Variants in NEK11 observed in about 807,000 individuals in gnomAD.
NEK11 encodes the protein NIMA related kinase 11, also known as serine/threonine-protein kinase Nek11.
In NEK11, 72 loss-of-function variants were observed where a neutral mutation model predicts 80.7. The observed-to-expected ratio is 0.89, with a 90% CI of 0.74 to 1.08. NEK11 has a LOEUF of 1.08. NEK11 is among the 50% of genes least tolerant of loss of function. The pLI, the probability that NEK11 is intolerant of heterozygous loss-of-function variation, is 0.00. For synonymous variants in NEK11, 251 were observed against 260.7 expected, an observed-to-expected ratio of 0.96 and a Z score of 0.36; for missense variants, 764 against 763.6, an observed-to-expected ratio of 1.00 and a Z score of -0.01.
intron 4 of NEK11, among the ~76,000 whole-genome samples, chr3:131,080,973 G>A (rs1359633636): frequency 6.6e-6 from 1 of 151,946 alleles, no homozygotes; most frequent in African/African-American, 2.4e-5. Flanking sequence ...AGCCGGGCGT[G>A]GTTGTATGAG....
chr3:131,186,284 T>C (rs2093596925), intron 14 of NEK11, among the ~76,000 whole-genome samples: 1 of 152,196 alleles, frequency 6.6e-6, no homozygotes, highest in Non-Finnish European at 1.5e-5. Context: ...ATGAAAAATA[T>C]AAAATCACTT....
intron 5 of NEK11, 79 bp downstream of exon 5, chr3:131,110,000 A>G (rs111741573): frequency 2.0e-4 from 287 of 1,456,324 alleles, no homozygotes; most frequent in Middle Eastern, 2.1e-4. Flanking sequence ...TTTTTTTTCT[A>G]TAATTGAAAG....
intron 5 of NEK11, among the ~76,000 whole-genome samples, chr3:131,112,818 C>G (rs748740548): frequency 1.3e-5 from 2 of 152,028 alleles, no homozygotes; most frequent in Non-Finnish European, 2.9e-5. Context: ...ATGAGTAGTT[C>G]TATTGGGAAG....
chr3:131,190,060 G>T (rs2093735445), intron 14 of NEK11, among the ~76,000 whole-genome samples: 1 of 152,080 alleles, frequency 6.6e-6, no homozygotes. Flanking sequence ...ACACATCGAT[G>T]TATAGATCCA....
At chr3:131,239,933 A>G (rs2095495786) in intron 15 of NEK11, among the ~76,000 whole-genome samples, 1 of 152,176 alleles carries the variant, frequency 6.6e-6, no homozygotes, top group African/African-American at 2.4e-5. Flanking sequence ...TTAGTTATCC[A>G]TTCAGCTTCA....
chr3:131,243,442 G>A lies in NEK11; in HGVS notation c.1567G>A (p.Asp523Asn), dbSNP rs2095548459. 1 of 1,612,686 alleles carries A rather than the reference G, an allele frequency of 6.2e-7. No individual in the cohort carries two copies. The highest frequency in any genetic ancestry group is 8.5e-7 in the Non-Finnish European group (1 of 1,179,170). ...PAYRTNQQDS[D>N]IEALARCLEN... ...TTCTCCCTTATTTTGACAGGACAGTGATATCGAAGCGTTGGCCAGGTGTTT... is the reference window on the plus strand; with the variant it reads ...TTCTCCCTTATTTTGACAGGACAGTAATATCGAAGCGTTGGCCAGGTGTTT... Residue 523 changes from aspartate to asparagine, a missense_variant, in exon 16 of 18, where the codon GAT (aspartate) becomes AAT (asparagine). Physicochemically the swap from Asp to Asn is conservative, Grantham distance 23. Transcript: ENST00000383366.
chr3:131,286,336 G>A (rs1197070640), intron 17 of NEK11, among the ~76,000 whole-genome samples: 5 of 152,114 alleles, frequency 3.3e-5, no homozygotes, highest in African/African-American at 7.2e-5. Flanking sequence ...GGCTTCTTCA[G>A]TGTTCCTAGT....
In NEK11 at chr3:131,287,422, C is replaced by T. The variant is rs140742356; in HGVS notation, c.1718+13848C>T. ...CTGAGTAGCTGGGATTACAGGCATGCGCCACCACGCCTGGCTAATTTTTAC... is the reference window on the plus strand; with the variant it reads ...CTGAGTAGCTGGGATTACAGGCATGTGCCACCACGCCTGGCTAATTTTTAC... On this transcript the variant is annotated intron_variant, in intron 17 of 17. Coordinates refer to ENST00000383366, the MANE Select transcript of NEK11 (RefSeq NM_024800.5). Among the ~76,000 whole-genome samples, 1,449 of 152,130 alleles carry T rather than the reference C, an allele frequency of 9.5e-3. 30 individuals are homozygous for T. Among genetic ancestry groups the T allele is most frequent in the African/African-American group, 0.033 (1,360 of 41,458 alleles).
intron 16 of NEK11, among the ~76,000 whole-genome samples, chr3:131,248,613 C>T (rs778262908): frequency 6.6e-6 from 1 of 151,954 alleles, no homozygotes; most frequent in Non-Finnish European, 1.5e-5. Context: ...AAAGCTGGAT[C>T]ACAGAGAAAC....
chr3:131,226,916 CTAG>C (rs1272887997), intron 14 of NEK11, among the ~76,000 whole-genome samples: 4 of 151,588 alleles, frequency 2.6e-5, no homozygotes, highest in African/African-American at 7.3e-5. Flanking sequence ...GATATAATGA[CTAG>C]AAGCCACGTT....
At chr3:131,138,747 A>G (rs1422501705) in intron 7 of NEK11, among the ~76,000 whole-genome samples, 1 of 152,146 alleles carries the variant, frequency 6.6e-6, no homozygotes, top group Non-Finnish European at 1.5e-5. Context: ...TTGTAATCCA[A>G]AGAATTATTC....
chr3:131,054,794 G>A (rs3886464), intron 3 of NEK11, among the ~76,000 whole-genome samples: 72,791 of 113,936 alleles, frequency 0.64, 20,283 homozygotes, highest in Middle Eastern at 0.76. Flanking sequence ...ATAAATAAAT[G>A]AATGAATGTA....
At chr3:131,275,221 G>C (rs1317547315) in intron 17 of NEK11, among the ~76,000 whole-genome samples, 1 of 152,088 alleles carries the variant, frequency 6.6e-6, no homozygotes, top group East Asian at 1.9e-4. Context: ...GCTTGGAGGA[G>C]ATAATATAGA....
At chr3:131,222,606 C>T (rs1328705564) in intron 14 of NEK11, among the ~76,000 whole-genome samples, 1 of 152,162 alleles carries the variant, frequency 6.6e-6, no homozygotes, top group Non-Finnish European at 1.5e-5. Context: ...TTGTCTTTAA[C>T]ATACAAAGGT....
At chr3:131,293,569 G>C (rs1211731685) in intron 17 of NEK11, among the ~76,000 whole-genome samples, 3 of 151,928 alleles carry the variant, frequency 2.0e-5, no homozygotes, top group African/African-American at 7.3e-5. Flanking sequence ...TAACATCTTT[G>C]GTTTTGGTTT....
chr3:131,214,682 T>G (rs1407856640), intron 14 of NEK11, among the ~76,000 whole-genome samples: 1 of 128,536 alleles, frequency 7.8e-6, no homozygotes, highest in Non-Finnish European at 1.6e-5. Context: ...TTCTGTCACG[T>G]GAATGTGCGT....
chr3:131,201,925 C>T (rs1189225674), intron 14 of NEK11, among the ~76,000 whole-genome samples: 1 of 152,164 alleles, frequency 6.6e-6, no homozygotes, highest in Non-Finnish European at 1.5e-5. Flanking sequence ...ATCTCTGCCT[C>T]ACCGGATTCA....
Position 131,032,443 on chromosome 3 carries a change from C to T in NEK11, c.170+2565C>T, listed in dbSNP as rs117500570. On this transcript the variant is annotated intron_variant, in intron 3 of 17. Coordinates refer to ENST00000383366, the MANE Select transcript of NEK11 (RefSeq NM_024800.5). ...ATTCTCCAGTTAGCCACATTCCTAC[C>T]TCTCCTTACTGTCTCTGGCATACAG... Among the ~76,000 whole-genome samples the T allele has an allele frequency of 1.6e-4, 25 of 152,372 alleles. No individual in the cohort carries two copies. In the East Asian group the frequency reaches 4.8e-3, roughly 29 times the overall value.
chr3:131,035,819 G>T (rs2065553139), intron 3 of NEK11, among the ~76,000 whole-genome samples: 1 of 152,128 alleles, frequency 6.6e-6, no homozygotes, highest in South Asian at 2.1e-4. Flanking sequence ...CCAGGTAAAA[G>T]GTCTCTTCTA....
Sources: gnomAD v4.1 joint callset for allele counts (sites outside exome capture counted in the v4.1 genomes callset) on GRCh38, gnomAD v4.1.1 for gene constraint, MANE v1.5 for transcripts, NCBI Gene and HGNC (gene_info 2026-07-23, HGNC 2026-07-21) for gene names.